The following CFAP97D2 variants were observed in gnomAD, a reference collection of about 807,000 sequenced individuals.
CFAP97D2 encodes uncharacterized protein CFAP97D2.
chr13:114,216,625 C>A (rs982412184), intron 4 of CFAP97D2, among the ~76,000 whole-genome samples: 2 of 152,124 alleles, frequency 1.3e-5, no homozygotes, highest in Non-Finnish European at 2.9e-5. Flanking sequence ...TGAACTCATC[C>A]TTTTTTATGG....
At position 114,222,150 on chromosome 13, in the gene CFAP97D2, C is replaced by T. The variant is rs57560700; in HGVS notation, c.481-348C>T. Among the ~76,000 whole-genome samples the T allele has an allele frequency of 4.7e-4, 71 of 152,206 alleles. No homozygotes were observed. The East Asian group carries it at 0.013, about 29-fold the overall frequency. On this transcript the variant is annotated intron_variant, in intron 4 of 4. Transcript: ENST00000646158. The surrounding 1 kb of genome is among the most constrained non-coding windows in gnomAD (Gnocchi z 4.4). ...TTTTATATGAAATGTCCAGAATAGG[C>T]ACATTCAAAGAGACAAAAAGTAATC...
At chr13:114,200,409 C>G (rs2080912121) in exon 3 of CFAP97D2, 1 of 398,682 alleles carries the variant, frequency 2.5e-6, no homozygotes, top group South Asian at 1.3e-4. Flanking sequence ...GACCAGGGGA[C>G]AGACTGACAG....
intron 2 of CFAP97D2, among the ~76,000 whole-genome samples, chr13:114,198,380 G>A (rs181602926): frequency 6.6e-6 from 1 of 152,186 alleles, no homozygotes; most frequent in Non-Finnish European, 1.5e-5. Context: ...TCTGCAGACC[G>A]ACCACTTGGA....
At chr13:114,183,373 G>A (rs1259178511) in intron 1 of CFAP97D2, among the ~76,000 whole-genome samples, 2 of 151,930 alleles carry the variant, frequency 1.3e-5, no homozygotes, top group African/African-American at 2.4e-5. Flanking sequence ...TCACCATGTT[G>A]GCCAGGCTGG....
intron 1 of CFAP97D2, among the ~76,000 whole-genome samples, chr13:114,183,130 T>C (rs913712793): frequency 1.1e-4 from 17 of 152,182 alleles, no homozygotes; most frequent in African/African-American, 4.1e-4. Flanking sequence ...CTCAGTCCAT[T>C]TCTGCCACTA....
chr13:114,208,308 A>G (rs1454527528), intron 3 of CFAP97D2, among the ~76,000 whole-genome samples: 1 of 152,210 alleles, frequency 6.6e-6, no homozygotes, highest in African/African-American at 2.4e-5. Context: ...GGATTTCTTT[A>G]ACTTTTTCGT....
At position 114,196,491 on chromosome 13, in the gene CFAP97D2, C is replaced by T; in HGVS notation, c.171+15C>T. 1 of 399,174 alleles carries T rather than the reference C, an allele frequency of 2.5e-6. No individual in the cohort carries two copies. The highest frequency in any genetic ancestry group is 4.4e-6 in the Non-Finnish European group (1 of 226,066). 24.7% of individuals were successfully genotyped at this position (399,174 alleles called of 1,614,324 possible). The stretch of plus-strand genomic sequence containing the variant: ...AGAGGCTGAAGGTACACTTTCATTT[C>T]TACCTTACTTAATGTAATAGCTAAC... On this transcript the variant is annotated intron_variant, in intron 2 of 4. Transcript: ENST00000646158.
intron 3 of CFAP97D2, among the ~76,000 whole-genome samples, chr13:114,206,733 T>C (rs951891112): frequency 2.0e-5 from 3 of 152,220 alleles, no homozygotes; most frequent in African/African-American, 7.2e-5. Flanking sequence ...CAACTGACTG[T>C]TGAGGACTGT....
intron 3 of CFAP97D2, among the ~76,000 whole-genome samples, chr13:114,205,138 A>C (rs1228040715): frequency 6.6e-6 from 1 of 152,248 alleles, no homozygotes. Context: ...CTTCACGCCT[A>C]TCAGATTGAC....
chr13:114,214,101 A>T (rs79087190), intron 4 of CFAP97D2: 8,175 of 152,688 alleles, frequency 0.054, 392 homozygotes, highest in African/African-American at 0.13. Flanking sequence ...CTAGGATCAC[A>T]GGCTCTACCC....
Position 114,213,133 on chromosome 13 carries a change from C to G in CFAP97D2, c.480+1032C>G, listed in dbSNP as rs73575123. Among the ~76,000 whole-genome samples, 30 of 152,268 alleles carry G rather than the reference C, an allele frequency of 2.0e-4. No individual in the cohort carries two copies. The South Asian group carries it at 6.2e-3, about 32-fold the overall frequency. ...AGAGTTTTAAAGATCTTCCATCACT[C>G]GCTTTACCTGTATATATAACCGTTA... is the stretch of plus-strand genomic sequence containing the variant. On this transcript the variant is annotated intron_variant, in intron 4 of 4. Coordinates refer to ENST00000646158, the Ensembl canonical transcript of CFAP97D2.
chr13:114,223,010 C>T (rs2081027546), downstream of CFAP97D2: 1 of 153,396 alleles, frequency 6.5e-6, no homozygotes, highest in African/African-American at 2.4e-5. Flanking sequence ...TTTAACTTAC[C>T]TTAAAAGCTC....
At position 114,196,481 on chromosome 13, in the gene CFAP97D2, A is replaced by C. The variant is rs1360431779; in HGVS notation, c.171+5A>C. On this transcript the variant is annotated splice_donor_5th_base_variant and intron_variant, in intron 2 of 4. Transcript: ENST00000646158. The stretch of plus-strand genomic sequence containing the variant: ...CTGAAACTCAAGAGGCTGAAGGTAC[A>C]CTTTCATTTCTACCTTACTTAATGT... 1 of 399,190 alleles carries C rather than the reference A, an allele frequency of 2.5e-6. No homozygotes were observed. Among genetic ancestry groups the C allele is most frequent in the Non-Finnish European group, 4.4e-6 (1 of 226,080 alleles). 24.7% of individuals were successfully genotyped at this position (399,190 alleles called of 1,614,324 possible). A position where few individuals can be genotyped will look rare whatever the true frequency, so the allele number is the denominator to read the frequency against.
intron 3 of CFAP97D2, among the ~76,000 whole-genome samples, chr13:114,210,855 TACACACACACAC>T (rs34230424): frequency 1.0e-4 from 15 of 144,970 alleles, no homozygotes; most frequent in South Asian, 9.0e-4. Context: ...ATTTCATTGA[TACACACACACAC>T]ACACACACAC....
At chr13:114,205,376 A>G (rs182084295) in intron 3 of CFAP97D2, among the ~76,000 whole-genome samples, 1 of 152,340 alleles carries the variant, frequency 6.6e-6, no homozygotes, top group African/African-American at 2.4e-5. Context: ...ACACGAAAAC[A>G]TATACAATTG....
chr13:114,204,333 T>C (rs903549020), intron 3 of CFAP97D2, among the ~76,000 whole-genome samples: 1 of 152,210 alleles, frequency 6.6e-6, no homozygotes, highest in Non-Finnish European at 1.5e-5. Flanking sequence ...GCAGGAGGGC[T>C]GCGTGTTCTG....
At chr13:114,220,990 T>C (rs1044706882) in intron 4 of CFAP97D2, among the ~76,000 whole-genome samples, 4 of 152,264 alleles carry the variant, frequency 2.6e-5, no homozygotes, top group Admixed American at 2.6e-4. Context: ...GGCTCATGCC[T>C]GTAATCCCAG....
rs1213281764 is a variant in CFAP97D2, at chr13:114,207,398, G to C, written c.291-4514G>C. 6.6e-6 allele frequency among the ~76,000 whole-genome samples: 1 copy of C among 152,116 alleles called. No homozygotes were observed. Among genetic ancestry groups the C allele is most frequent in the Non-Finnish European group, 1.5e-5 (1 of 68,014 alleles). On this transcript the variant is annotated intron_variant, in intron 3 of 4. Transcript: ENST00000646158. The surrounding 1 kb of genome is among the most constrained non-coding windows in gnomAD (Gnocchi z 4.9). The stretch of plus-strand genomic sequence containing the variant: ...TCAACATCATGTAGAATCAGTGGGA[G>C]CCCTGAGTTTGTTTTCCTGCAACTA...
At chr13:114,204,555 A>G (rs974802882) in intron 3 of CFAP97D2, among the ~76,000 whole-genome samples, 1 of 152,244 alleles carries the variant, frequency 6.6e-6, no homozygotes, top group African/African-American at 2.4e-5. Context: ...TGTATTTTCA[A>G]CAAAGGGGCC....
Sources: gnomAD v4.1 joint callset for allele counts (sites outside exome capture counted in the v4.1 genomes callset) on GRCh38, gnomAD v4.1.1 for gene constraint, Gnocchi (gnomAD v3.1) non-coding constraint, MANE v1.5 for transcripts, NCBI Gene and HGNC (gene_info 2026-07-23, HGNC 2026-07-21) for gene names.